The following SLCO3A1 variants were observed in gnomAD, a reference collection of about 807,000 sequenced individuals.
The protein encoded by SLCO3A1 is solute carrier organic anion transporter family member 3A1, also known as PGE1 transporter.
In SLCO3A1, 27 loss-of-function variants were observed where a neutral mutation model predicts 63.1. That is an observed-to-expected ratio of 0.43 (90% CI 0.32 to 0.59). The LOEUF is 0.59. SLCO3A1 is among the 20% of genes least tolerant of loss of function. SLCO3A1 has a pLI of 0.09. For missense variants in SLCO3A1, 773 were observed against 945.8 expected (o/e 0.82, Z 2.40); for synonymous variants, 473 against 409.9 (o/e 1.15, Z -1.86).
intron 2 of SLCO3A1, among the ~76,000 whole-genome samples, chr15:91,986,756 C>A (rs955090970): frequency 6.6e-6 from 1 of 152,122 alleles, no homozygotes; most frequent in Non-Finnish European, 1.5e-5. Flanking sequence ...CTCTCCATAG[C>A]TATTTAATAT....
chr15:92,117,182 A>G (rs928027888), intron 4 of SLCO3A1, among the ~76,000 whole-genome samples: 2 of 152,212 alleles, frequency 1.3e-5, no homozygotes, highest in Non-Finnish European at 2.9e-5. Context: ...CAAACAAATC[A>G]TGATGACTCT....
At chr15:92,018,016 G>A (rs991939599) in intron 2 of SLCO3A1, among the ~76,000 whole-genome samples, 2 of 152,176 alleles carry the variant, frequency 1.3e-5, no homozygotes, top group African/African-American at 2.4e-5. Flanking sequence ...GAGGATGGAT[G>A]GGAGGTGCCA....
chr15:92,062,033 G>C (rs1055763549), intron 2 of SLCO3A1, among the ~76,000 whole-genome samples: 57 of 152,248 alleles, frequency 3.7e-4, no homozygotes, highest in African/African-American at 1.4e-3. Context: ...ACTGCCTTAC[G>C]TCACTACATG....
chr15:92,108,391 C>T (rs1048434104), intron 4 of SLCO3A1, among the ~76,000 whole-genome samples: 1 of 152,212 alleles, frequency 6.6e-6, no homozygotes, highest in African/African-American at 2.4e-5. Context: ...ACCTCACATT[C>T]GTCCTCTTGT....
rs77594936 is a variant in SLCO3A1 at position 91,968,762 on chromosome 15, G to C, written c.646+52304G>C. ...ATTTACGGCACTCACGACGTGTCCA[G>C]CTTCTTTGTGCGCTCACAGCAGGCA... On this transcript the variant is annotated intron_variant, in intron 2 of 9. Transcript: ENST00000318445. This position sits in a 1 kb window ranked among gnomAD's most constrained non-coding sequence, Gnocchi z 4.2. 0.034 allele frequency among the ~76,000 whole-genome samples: 5,177 copies of C among 152,310 alleles called. 301 individuals carry two copies. Among genetic ancestry groups the C allele is most frequent in the African/African-American group, 0.12 (4,912 of 41,548 alleles).
intron 5 of SLCO3A1, among the ~76,000 whole-genome samples, chr15:92,121,526 A>C (rs147005453): frequency 1.1e-3 from 164 of 152,336 alleles, no homozygotes; most frequent in Non-Finnish European, 2.0e-3. Flanking sequence ...TGAGATGCCC[A>C]TAGCATATCT....
intron 2 of SLCO3A1, among the ~76,000 whole-genome samples, chr15:92,036,408 C>T (rs1207547149): frequency 2.8e-5 from 4 of 141,094 alleles, no homozygotes; most frequent in African/African-American, 1.1e-4. Context: ...CTTTTTCTCT[C>T]ACTGAAAATT....
chr15:92,153,062 A>G (rs1452998484), intron 9 of SLCO3A1, among the ~76,000 whole-genome samples: 1 of 152,228 alleles, frequency 6.6e-6, no homozygotes, highest in Non-Finnish European at 1.5e-5. Flanking sequence ...ATACTGTTAA[A>G]ATCATCATAC....
chr15:91,994,658 A>C (rs1356363466), intron 2 of SLCO3A1, among the ~76,000 whole-genome samples: 1 of 150,934 alleles, frequency 6.6e-6, no homozygotes, highest in Non-Finnish European at 1.5e-5. Context: ...TGGAGATCTC[A>C]GATAAATCAC....
chr15:92,166,359 G>C (rs1348554282), downstream of SLCO3A1, among the ~76,000 whole-genome samples: 1 of 152,174 alleles, frequency 6.6e-6, no homozygotes, highest in Non-Finnish European at 1.5e-5. Context: ...AGCTCCTAAG[G>C]AATCATTTGA....
chr15:91,992,176 A>G (rs1019530085), intron 2 of SLCO3A1, among the ~76,000 whole-genome samples: 1 of 152,260 alleles, frequency 6.6e-6, no homozygotes, highest in African/African-American at 2.4e-5. Flanking sequence ...GCAAATGTCA[A>G]GGTGAGTGTT....
chr15:92,008,175 C>CA (rs1476096418), intron 2 of SLCO3A1, among the ~76,000 whole-genome samples: 6 of 152,282 alleles, frequency 3.9e-5, no homozygotes, highest in African/African-American at 1.4e-4. Flanking sequence ...CACATACACA[C>CA]ATAACACATA....
intron 7 of SLCO3A1, among the ~76,000 whole-genome samples, chr15:92,142,324 G>A (rs192967038): frequency 6.6e-6 from 1 of 152,258 alleles, no homozygotes; most frequent in East Asian, 1.9e-4. Flanking sequence ...CACATTTATC[G>A]CAGCTCTGGA....
intron 2 of SLCO3A1, among the ~76,000 whole-genome samples, chr15:91,951,844 C>T (rs977656460): frequency 7.2e-5 from 11 of 152,132 alleles, no homozygotes; most frequent in South Asian, 2.1e-4. Flanking sequence ...CGTGAGCCAC[C>T]GCACCCGGCC....
intron 3 of SLCO3A1, among the ~76,000 whole-genome samples, chr15:92,096,171 G>A (rs906178899): frequency 2.0e-5 from 3 of 152,162 alleles, no homozygotes; most frequent in Admixed American, 2.0e-4. Flanking sequence ...CTCAGCTTGG[G>A]GAGGATCCAC....
intron 5 of SLCO3A1, among the ~76,000 whole-genome samples, chr15:92,122,385 A>G (rs910745706): frequency 6.6e-6 from 1 of 152,252 alleles, no homozygotes; most frequent in Non-Finnish European, 1.5e-5. Flanking sequence ...ATCTCCTGTC[A>G]TGTCACAAGA....
Position 91,987,540 on chromosome 15 carries a change from G to A in SLCO3A1, c.646+71082G>A, listed in dbSNP as rs142780689. ...GTGGATCACCTGAGGTCAGGAGTTC[G>A]AGACCAGCCTAGCCAACATCATGAA... On this transcript the variant is annotated intron_variant, in intron 2 of 9. Transcript: ENST00000318445. 6.6e-3 allele frequency among the ~76,000 whole-genome samples: 1,009 copies of A among 152,064 alleles called. 18 individuals carry two copies. Among genetic ancestry groups the A allele is most frequent in the African/African-American group, 0.023 (957 of 41,494 alleles).
In SLCO3A1 at chr15:91,967,995, C is replaced by T. The variant is rs780497517; in HGVS notation, c.646+51537C>T. 6.6e-6 allele frequency among the ~76,000 whole-genome samples: 1 copy of T among 152,170 alleles called. No individual in the cohort carries two copies. Among genetic ancestry groups the T allele is most frequent in the Non-Finnish European group, 1.5e-5 (1 of 68,026 alleles). ...GAGATGCAAGATGGCTTTGAAATGTCCCTATCTTCCTTCCCTTCTGATTGC... is the reference window on the plus strand; with the variant it reads ...GAGATGCAAGATGGCTTTGAAATGTTCCTATCTTCCTTCCCTTCTGATTGC... On this transcript the variant is annotated intron_variant, in intron 2 of 9. Coordinates refer to ENST00000318445, the MANE Select transcript of SLCO3A1 (RefSeq NM_013272.4). The surrounding 1 kb of genome is among the most constrained non-coding windows in gnomAD (Gnocchi z 4.4).
chr15:91,915,528 T>C (rs1434796084), intron 1 of SLCO3A1, among the ~76,000 whole-genome samples: 1 of 152,154 alleles, frequency 6.6e-6, no homozygotes, highest in Admixed American at 6.5e-5. Flanking sequence ...TATTTTGAGG[T>C]GGGGGATAGG....
Sources: allele counts gnomAD v4.1 joint callset (sites outside exome capture counted in the v4.1 genomes callset), GRCh38; gene constraint gnomAD v4.1.1; non-coding constraint Gnocchi (gnomAD v3.1); transcripts MANE v1.5; gene names NCBI Gene and HGNC (gene_info 2026-07-23, HGNC 2026-07-21).